Variants in ACAN observed in about 807,000 individuals in gnomAD.
ACAN encodes the protein aggrecan core protein.
In ACAN, 47 loss-of-function variants were observed where a neutral mutation model predicts 169.1. The observed-to-expected ratio is 0.28, with a 90% CI of 0.22 to 0.35. ACAN has a LOEUF of 0.35. Ranked by LOEUF, ACAN falls within the 10% of genes least tolerant of loss-of-function variation. ACAN has a pLI of 1.00. For missense variants in ACAN, 2,716 were observed against 2,759.9 expected, an observed-to-expected ratio of 0.98 and a Z score of 0.36; for synonymous variants, 1,115 against 1,112.2, an observed-to-expected ratio of 1.00 and a Z score of -0.05.
chr15:88,874,652 A>C lies in ACAN; in HGVS notation c.*171A>C. On this transcript the variant is annotated 3_prime_UTR_variant, in exon 19 of 19. Transcript: ENST00000560601. This position sits in a 1 kb window ranked among gnomAD's most constrained non-coding sequence, Gnocchi z 7.3. ...GTGTATGCACCCACTCACCCCTCCA[A>C]ATCAGCAAAACCGCATCTAATTTGT... 2 of 714,402 alleles carry C rather than the reference A, an allele frequency of 2.8e-6. No homozygotes were observed. Among genetic ancestry groups the C allele is most frequent in the Non-Finnish European group, 5.0e-6 (2 of 401,630 alleles). The allele number at this position is 714,402 out of a possible 1,614,324, so 44.3% of individuals were successfully genotyped here. A position where few individuals can be genotyped will look rare whatever the true frequency, so the allele number is the denominator to read the frequency against.
chr15:88,870,501 G>C lies in ACAN; in HGVS notation c.7061-881G>C, dbSNP rs888089810. The stretch of plus-strand genomic sequence containing the variant: ...TTCCTGAGGTGTAAATGCTTCCACC[G>C]GGGCCAGTTTAAAGCTATCAACATG... On this transcript the variant is annotated intron_variant, in intron 14 of 18. Transcript: ENST00000560601. This position sits in a 1 kb window ranked among gnomAD's most constrained non-coding sequence, Gnocchi z 6.3. Among the ~76,000 whole-genome samples, 2 of 152,150 alleles carry C rather than the reference G, an allele frequency of 1.3e-5. No individual in the cohort carries two copies. The highest frequency in any genetic ancestry group is 4.8e-5 in the African/African-American group (2 of 41,424).
chr15:88,816,031 C>T (rs575688307), intron 1 of ACAN, among the ~76,000 whole-genome samples: 62 of 152,188 alleles, frequency 4.1e-4, no homozygotes, highest in Non-Finnish European at 8.2e-4. Flanking sequence ...TGTTCCTTGG[C>T]TTGCAGCTGC....
Position 88,873,081 on chromosome 15 carries a change from A to C in ACAN, c.7447+56A>C. 1 of 1,577,608 alleles carries C rather than the reference A, an allele frequency of 6.3e-7. No individual in the cohort carries two copies. On this transcript the variant is annotated intron_variant, in intron 17 of 18. Transcript: ENST00000560601. The surrounding 1 kb of genome is among the most constrained non-coding windows in gnomAD (Gnocchi z 7.5). Reference sequence around the variant, plus strand: ...GGATAGGATCAAGACCTCCAGCTACAGGTGAGGCTCTTGCTGTGTGGCCTG... The same window carrying C: ...GGATAGGATCAAGACCTCCAGCTACCGGTGAGGCTCTTGCTGTGTGGCCTG...
intron 13 of ACAN, among the ~76,000 whole-genome samples, chr15:88,867,296 C>G (rs1897295265): frequency 6.6e-6 from 1 of 152,140 alleles, no homozygotes; most frequent in Admixed American, 6.5e-5. Context: ...ATCTCAGGAC[C>G]AGAAGAACAG....
intron 1 of ACAN, among the ~76,000 whole-genome samples, chr15:88,806,002 C>G (rs891929324): frequency 4.6e-5 from 7 of 152,148 alleles, no homozygotes; most frequent in Non-Finnish European, 1.0e-4. Context: ...CTGAGACAGT[C>G]GGCAAGAGCC....
rs76826569 is a variant in ACAN at position 88,820,341 on chromosome 15, A to G, written c.-7-15859A>G. On this transcript the variant is annotated intron_variant, in intron 1 of 18. Coordinates refer to ENST00000560601, the MANE Select transcript of ACAN (RefSeq NM_001369268.1). ...TAATAGGAACATGATGGGGGACTTC[A>G]TGGAGGAAGGGCCCACCACCAAAGA... Among the ~76,000 whole-genome samples, 436 of 152,252 alleles carry G rather than the reference A, an allele frequency of 2.9e-3. 10 individuals carry two copies. In the South Asian group the frequency reaches 0.046, roughly 16 times the overall value.
chr15:88,830,665 G>T (rs770861679), intron 1 of ACAN, among the ~76,000 whole-genome samples: 1 of 152,062 alleles, frequency 6.6e-6, no homozygotes, highest in Non-Finnish European at 1.5e-5. Context: ...CTGTATAAAA[G>T]ATAAACAATG....
In ACAN at chr15:88,832,362, C is replaced by A. The variant is rs530736719; in HGVS notation, c.-7-3838C>A. Among the ~76,000 whole-genome samples the A allele has an allele frequency of 2.0e-3, 303 of 151,570 alleles. 2 individuals are homozygous for A. The highest frequency in any genetic ancestry group is 7.1e-3 in the African/African-American group (292 of 41,264). ...CCATGGCTCACACCTGTAATCCCAG[C>A]ACTTTGGGAGGCCAAAGTGGGTGGA... On this transcript the variant is annotated intron_variant, in intron 1 of 18. Coordinates refer to ENST00000560601, the MANE Select transcript of ACAN (RefSeq NM_001369268.1).
chr15:88,867,251 T>C (rs16942398), intron 13 of ACAN, among the ~76,000 whole-genome samples: 4,526 of 152,300 alleles, frequency 0.03, 204 homozygotes, highest in African/African-American at 0.1. Context: ...GACTTACCAA[T>C]TCAAGTACCA....
chr15:88,828,923 A>G (rs962537914), intron 1 of ACAN, among the ~76,000 whole-genome samples: 2 of 152,190 alleles, frequency 1.3e-5, no homozygotes, highest in African/African-American at 4.8e-5. Context: ...ACTAGGCTAG[A>G]AGCAACTCCA....
In ACAN at chr15:88,858,848, G is replaced by A; in HGVS notation, c.6263G>A (p.Gly2088Glu). The change falls in exon 12 of 19, where the codon GGG becomes GAG. Residue 2088 changes from glycine (G) to glutamate (E), a missense_variant. By Grantham distance (98) the Gly-to-Glu change is moderately conservative (BLOSUM62 -2). Around this residue, in one of 3 missense-constraint regions of ACAN, gnomAD observed 1,389 missense variants for 1,363.7 expected, o/e 1.02. Coordinates refer to ENST00000560601, the MANE Select transcript of ACAN (RefSeq NM_001369268.1). This position sits in a 1 kb window ranked among gnomAD's most constrained non-coding sequence, Gnocchi z 4.0. ...AGTGGAGCTACCCCAGTGCTCCCTGGGTCTGGAGTAGAAGTATCATCAGTC... is the reference window on the plus strand; with the variant it reads ...AGTGGAGCTACCCCAGTGCTCCCTGAGTCTGGAGTAGAAGTATCATCAGTC... ...DISGATPVLP[G>E]SGVEVSSVPE... 6.2e-7 allele frequency: 1 copy of A among 1,613,356 alleles called. No individual in the cohort carries two copies. The highest frequency in any genetic ancestry group is 8.5e-7 in the Non-Finnish European group (1 of 1,179,606).
rs761498283 is a variant in ACAN at position 88,838,915 on chromosome 15, A to G, written c.323A>G (p.Asn108Ser). 1.2e-6 allele frequency: 2 copies of G among 1,613,996 alleles called. No homozygotes were observed. The highest frequency in any genetic ancestry group is 1.1e-5 in the South Asian group (1 of 91,082). The change falls in exon 3 of 19, where the codon AAC becomes AGC. Residue 108 changes from asparagine (N) to serine (S), a missense_variant. Physicochemically the swap from Asn to Ser is conservative, Grantham distance 46 (BLOSUM62 1). Coordinates refer to ENST00000560601, the MANE Select transcript of ACAN (RefSeq NM_001369268.1). The surrounding 1 kb of genome is among the most constrained non-coding windows in gnomAD (Gnocchi z 5.1). Reference sequence around the variant, plus strand: ...TATCAGGACAAGGTCTCACTGCCCAACTACCCGGCCATCCCCAGTGACGCC... The same window carrying G: ...TATCAGGACAAGGTCTCACTGCCCAGCTACCCGGCCATCCCCAGTGACGCC... Reference protein sequence around the residue: ...SAYQDKVSLPNYPAIPSDATL... With the variant: ...SAYQDKVSLPSYPAIPSDATL...
At chr15:88,824,920 C>G (rs1003531861) in intron 1 of ACAN, among the ~76,000 whole-genome samples, 2 of 151,284 alleles carry the variant, frequency 1.3e-5, no homozygotes, top group African/African-American at 4.9e-5. Flanking sequence ...TAGACTTTAA[C>G]AGGGTAACAT....
At chr15:88,836,310 A>G (rs1286581826) in intron 2 of ACAN, 34 bp downstream of exon 2, 4 of 1,548,886 alleles carry the variant, frequency 2.6e-6, no homozygotes, top group Non-Finnish European at 2.7e-6. Context: ...TCACGTATTC[A>G]GTAGGCATGA....
At chr15:88,808,720 A>G (rs1312671521) in intron 1 of ACAN, among the ~76,000 whole-genome samples, 1 of 152,172 alleles carries the variant, frequency 6.6e-6, no homozygotes, top group East Asian at 1.9e-4. Flanking sequence ...TACATGCACA[A>G]TAGAGAATTA....
chr15:88,821,480 C>T (rs1896074412), intron 1 of ACAN, among the ~76,000 whole-genome samples: 1 of 152,250 alleles, frequency 6.6e-6, no homozygotes. Flanking sequence ...CTGCCTCACA[C>T]AGTGAGCCCC....
intron 2 of ACAN, 79 bp downstream of exon 2, chr15:88,836,355 G>T: frequency 8.1e-7 from 1 of 1,237,588 alleles, no homozygotes; most frequent in Non-Finnish European, 1.2e-6. Context: ...TGAACCTGGT[G>T]CTACTGGTCC....
At position 88,849,377 on chromosome 15, in the gene ACAN, C is replaced by G; in HGVS notation, c.1733-61C>G. On this transcript the variant is annotated intron_variant, in intron 9 of 18. Coordinates refer to ENST00000560601, the MANE Select transcript of ACAN (RefSeq NM_001369268.1). The surrounding 1 kb of genome is among the most constrained non-coding windows in gnomAD (Gnocchi z 5.1). ...TTAGAGGAACTCTGTCCTGGGTGGG[C>G]AGGGATGGACCTGGCCTGAGTGTGG... is the stretch of plus-strand genomic sequence containing the variant. 6.9e-7 allele frequency: 1 copy of G among 1,451,560 alleles called. No individual in the cohort carries two copies. The highest frequency in any genetic ancestry group is 2.3e-5 in the Admixed American group (1 of 43,040). The allele number at this position is 1,451,560 out of a possible 1,614,324, so 89.9% of individuals were successfully genotyped here.
chr15:88,873,922 G>A lies in ACAN; in HGVS notation c.7528G>A (p.Val2510Met). ...GGACCGGTATGAGATCAATTCCCTGGTGCGGTACCAGTGCACAGAGGGGTT... is the reference window on the plus strand; with the variant it reads ...GGACCGGTATGAGATCAATTCCCTGATGCGGTACCAGTGCACAGAGGGGTT... Reference protein sequence around the residue: ...KKDRYEINSLVRYQCTEGFVQ... With the variant: ...KKDRYEINSLMRYQCTEGFVQ... Residue 2510 changes from valine to methionine, a missense_variant, in exon 18 of 19, where the codon GTG becomes ATG. Val to Met is a conservative substitution (Grantham distance 21). Transcript: ENST00000560601. This position sits in a 1 kb window ranked among gnomAD's most constrained non-coding sequence, Gnocchi z 7.5. The A allele has an allele frequency of 6.2e-7, 1 of 1,613,778 alleles. No individual in the cohort carries two copies. The highest frequency in any genetic ancestry group is 8.5e-7 in the Non-Finnish European group (1 of 1,179,892).
Sources: allele counts gnomAD v4.1 joint callset (sites outside exome capture counted in the v4.1 genomes callset), GRCh38; gene constraint gnomAD v4.1.1; regional missense constraint gnomAD v4.1.1; non-coding constraint Gnocchi (gnomAD v3.1); transcripts MANE v1.5; gene names NCBI Gene and HGNC (gene_info 2026-07-23, HGNC 2026-07-21).